Variants in NLGN1 observed in about 807,000 individuals in gnomAD.
The protein encoded by NLGN1 is neuroligin-1.
A neutral mutation model predicts 65.5 loss-of-function variants in NLGN1; 12 were observed. The ratio of observed to expected loss-of-function variants is 0.18; its 90% CI spans 0.12 to 0.30. NLGN1 has a LOEUF of 0.30. Among genes scored for constraint, NLGN1 ranks in the 10% least tolerant of loss-of-function variants. The pLI, the probability that NLGN1 is intolerant of heterozygous loss-of-function variation, is 1.00. For synonymous variants in NLGN1, 350 were observed against 359.5 expected (o/e 0.97, Z 0.30); for missense variants, 750 against 1,007.1 (o/e 0.74, Z 3.46).
intron 4 of NLGN1, among the ~76,000 whole-genome samples, chr3:174,104,608 A>G (rs551347896): frequency 1.3e-5 from 2 of 152,316 alleles, no homozygotes; most frequent in African/African-American, 4.8e-5. Context: ...ATATAAAAAC[A>G]TGCACTTGAA....
At chr3:174,088,150 A>G (rs2152561361) in intron 4 of NLGN1, among the ~76,000 whole-genome samples, 1 of 152,338 alleles carries the variant, frequency 6.6e-6, no homozygotes, top group South Asian at 2.1e-4. Flanking sequence ...TTTGCTTCAA[A>G]ACTTATTTTG....
At chr3:173,997,379 G>T (rs547200965) in intron 4 of NLGN1, among the ~76,000 whole-genome samples, 1 of 152,146 alleles carries the variant, frequency 6.6e-6, no homozygotes, top group South Asian at 2.1e-4. Flanking sequence ...CTAGGATTCT[G>T]CATCTTTCAA....
chr3:173,751,774 C>A (rs1776332147), intron 3 of NLGN1, among the ~76,000 whole-genome samples: 2 of 152,100 alleles, frequency 1.3e-5, no homozygotes, highest in Admixed American at 1.3e-4. Flanking sequence ...CTACTAAGCA[C>A]TACTCCAGAC....
At chr3:174,200,546 G>A (rs1235003005) in intron 4 of NLGN1, among the ~76,000 whole-genome samples, 1 of 152,198 alleles carries the variant, frequency 6.6e-6, no homozygotes, top group African/African-American at 2.4e-5. Flanking sequence ...CAGTATAGCA[G>A]ACGAGGTGAA....
chr3:173,827,629 A>ATGTGTGTGTGTG (rs59670610), intron 4 of NLGN1, among the ~76,000 whole-genome samples: 3,894 of 146,914 alleles, frequency 0.027, 49 homozygotes, highest in Middle Eastern at 0.038. Context: ...TATTTATGAT[A>ATGTGTGTGTGTG]TGTGTGTGTG....
At chr3:174,096,406 A>G (rs183929151) in intron 4 of NLGN1, among the ~76,000 whole-genome samples, 1 of 152,112 alleles carries the variant, frequency 6.6e-6, no homozygotes, top group East Asian at 1.9e-4. Context: ...ATAATAGTGT[A>G]AAACTTTCTA....
intron 3 of NLGN1, among the ~76,000 whole-genome samples, chr3:173,793,793 C>G (rs920416886): frequency 6.6e-6 from 1 of 151,892 alleles, no homozygotes; most frequent in Non-Finnish European, 1.5e-5. Context: ...TAAAATATTC[C>G]CTGTCATATT....
intron 2 of NLGN1, among the ~76,000 whole-genome samples, chr3:173,477,337 T>C (rs990985458): frequency 6.6e-6 from 1 of 151,956 alleles, no homozygotes; most frequent in East Asian, 1.9e-4. Flanking sequence ...GGCCACGAAT[T>C]CAAGATCAGC....
chr3:173,697,029 A>G (rs1198248648), intron 3 of NLGN1, among the ~76,000 whole-genome samples: 1 of 152,200 alleles, frequency 6.6e-6, no homozygotes, highest in Non-Finnish European at 1.5e-5. Context: ...AATAGCTATT[A>G]CCTATTATTA....
chr3:173,945,654 A>G (rs1209579362), intron 4 of NLGN1, among the ~76,000 whole-genome samples: 1 of 152,036 alleles, frequency 6.6e-6, no homozygotes, highest in Non-Finnish European at 1.5e-5. Context: ...CAGAATGTCT[A>G]CTCTTAACAA....
intron 2 of NLGN1, among the ~76,000 whole-genome samples, chr3:173,480,507 A>T (rs898987573): frequency 3.9e-5 from 6 of 152,156 alleles, no homozygotes; most frequent in African/African-American, 1.4e-4. Flanking sequence ...AGAGGAATAG[A>T]TCCAAGATGT....
chr3:173,577,484 T>A (rs1745683574), intron 2 of NLGN1, among the ~76,000 whole-genome samples: 1 of 152,194 alleles, frequency 6.6e-6, no homozygotes, highest in Non-Finnish European at 1.5e-5. Flanking sequence ...AGGGTCAAAA[T>A]TTAATTGTTT....
chr3:174,138,491 G>C (rs1382268996), intron 4 of NLGN1, among the ~76,000 whole-genome samples: 2 of 145,726 alleles, frequency 1.4e-5, no homozygotes, highest in Non-Finnish European at 3.0e-5. Context: ...CTGGAGTGTA[G>C]TGGCGCCATC....
intron 4 of NLGN1, among the ~76,000 whole-genome samples, chr3:174,108,894 C>T (rs1292640854): frequency 2.0e-5 from 3 of 151,886 alleles, no homozygotes; most frequent in Admixed American, 1.3e-4. Flanking sequence ...TCAAAGTCTC[C>T]GTCTCTGTCT....
chr3:174,114,753 A>G (rs2152627797), intron 4 of NLGN1, among the ~76,000 whole-genome samples: 1 of 152,216 alleles, frequency 6.6e-6, no homozygotes, highest in African/African-American at 2.4e-5. Flanking sequence ...CACCTCATAG[A>G]TGTACCCAGA....
intron 2 of NLGN1, among the ~76,000 whole-genome samples, chr3:173,576,853 T>C (rs1559991365): frequency 1.3e-5 from 2 of 152,236 alleles, no homozygotes; most frequent in Admixed American, 1.3e-4. Flanking sequence ...AATGCTATTC[T>C]TTCTTGATTT....
chr3:174,276,013 A>G (rs1166615149), intron 5 of NLGN1, among the ~76,000 whole-genome samples: 2 of 151,958 alleles, frequency 1.3e-5, no homozygotes, highest in Non-Finnish European at 1.5e-5. Flanking sequence ...GTCTGAGTAC[A>G]GAATGGATTG....
intron 2 of NLGN1, among the ~76,000 whole-genome samples, chr3:173,597,320 C>G (rs1749645091): frequency 6.6e-6 from 1 of 152,176 alleles, no homozygotes; most frequent in Non-Finnish European, 1.5e-5. Context: ...ATTTTTCTCA[C>G]CTCAAATAAG....
intron 4 of NLGN1, among the ~76,000 whole-genome samples, chr3:173,934,096 T>C (rs1001365652): frequency 1.3e-5 from 2 of 151,620 alleles, no homozygotes; most frequent in African/African-American, 2.4e-5. Context: ...AGAAAAACCA[T>C]ATGTGCAATA....
Sources: allele counts gnomAD v4.1 joint callset (sites outside exome capture counted in the v4.1 genomes callset), GRCh38; gene constraint gnomAD v4.1.1; transcripts MANE v1.5; gene names NCBI Gene and HGNC (gene_info 2026-07-23, HGNC 2026-07-21).